The following ZNF385D variants were observed in gnomAD, a reference collection of about 807,000 sequenced individuals.
ZNF385D encodes the protein zinc finger protein 385D.
In ZNF385D, 15 loss-of-function variants were observed where a neutral mutation model predicts 35.8. The observed-to-expected ratio is 0.42, with a 90% CI of 0.28 to 0.64. ZNF385D has a LOEUF of 0.64. Among genes scored for constraint, ZNF385D ranks in the 30% least tolerant of loss-of-function variants. ZNF385D has a pLI of 0.23. For missense variants in ZNF385D, 474 were observed against 494.6 expected, an observed-to-expected ratio of 0.96 and a Z score of 0.39; for synonymous variants, 212 against 186.8, an observed-to-expected ratio of 1.13 and a Z score of -1.10.
intron 5 of ZNF385D, among the ~76,000 whole-genome samples, chr3:21,426,708 A>G (rs1300829772): frequency 6.6e-6 from 1 of 152,152 alleles, no homozygotes; most frequent in Admixed American, 6.6e-5. Flanking sequence ...TAAAGAAATG[A>G]TTCCTAACTT....
At chr3:22,268,750 T>C (rs901602933) in intron 2 of ZNF385D, among the ~76,000 whole-genome samples, 2 of 152,026 alleles carry the variant, frequency 1.3e-5, no homozygotes, top group African/African-American at 2.4e-5. Context: ...AAAGTATGCA[T>C]GTAAGTGAAA....
intron 3 of ZNF385D, among the ~76,000 whole-genome samples, chr3:22,084,920 C>A (rs1158794826): frequency 6.6e-6 from 1 of 152,324 alleles, no homozygotes; most frequent in Non-Finnish European, 1.5e-5. Flanking sequence ...GATTAAGAAA[C>A]TCATTCAAAA....
chr3:22,133,563 C>A (rs922438000), intron 3 of ZNF385D: 2 of 152,158 alleles, frequency 1.3e-5, no homozygotes, highest in Non-Finnish European at 1.5e-5. Flanking sequence ...GAGGCAAGAT[C>A]AAGTAATAAG....
chr3:21,790,440 T>C (rs533468505), intron 3 of ZNF385D, among the ~76,000 whole-genome samples: 3 of 152,276 alleles, frequency 2.0e-5, no homozygotes, highest in African/African-American at 4.8e-5. Context: ...TTTGGGGTGA[T>C]TGCTGTTTCT....
chr3:21,443,763 C>A (rs771100596), intron 4 of ZNF385D, among the ~76,000 whole-genome samples: 36 of 152,122 alleles, frequency 2.4e-4, no homozygotes, highest in Non-Finnish European at 4.6e-4. Context: ...GGTGACTATA[C>A]TATTTCTTTC....
intron 1 of ZNF385D, among the ~76,000 whole-genome samples, chr3:21,738,546 T>A (rs1199714808): frequency 6.6e-6 from 1 of 152,194 alleles, no homozygotes; most frequent in Non-Finnish European, 1.5e-5. Context: ...GCCATTATTA[T>A]CTCAACTGAT....
At chr3:21,932,869 C>T (rs958502553) in intron 3 of ZNF385D, among the ~76,000 whole-genome samples, 3 of 152,090 alleles carry the variant, frequency 2.0e-5, no homozygotes, top group Non-Finnish European at 2.9e-5. Flanking sequence ...TTGATATTAA[C>T]CATCACAATA....
At chr3:21,832,457 GT>G (rs1487937849) in intron 3 of ZNF385D, among the ~76,000 whole-genome samples, 1 of 152,118 alleles carries the variant, frequency 6.6e-6, no homozygotes, top group African/African-American at 2.4e-5. Flanking sequence ...AGCTAATAGG[GT>G]GTCATACATT....
intron 3 of ZNF385D, among the ~76,000 whole-genome samples, chr3:21,843,616 G>T (rs1434450569): frequency 6.6e-6 from 1 of 151,782 alleles, no homozygotes; most frequent in Non-Finnish European, 1.5e-5. Flanking sequence ...ACTGTACTAG[G>T]CACTTCAAGA....
At chr3:21,749,404 TC>T (rs1689052557) in intron 1 of ZNF385D, among the ~76,000 whole-genome samples, 1 of 152,200 alleles carries the variant, frequency 6.6e-6, no homozygotes, top group African/African-American at 2.4e-5. Context: ...AGGAATTGTT[TC>T]AAGAGGGTGA....
chr3:21,778,883 CTGGAACATTACTATA>C (rs1475550931), intron 3 of ZNF385D, among the ~76,000 whole-genome samples: 2 of 151,900 alleles, frequency 1.3e-5, no homozygotes, highest in African/African-American at 4.8e-5. Flanking sequence ...GGCACATAGT[CTGGAACATTACTATA>C]TGAGGACCAG....
chr3:21,758,271 G>A (rs1157619187), intron 3 of ZNF385D, among the ~76,000 whole-genome samples: 1 of 152,182 alleles, frequency 6.6e-6, no homozygotes, highest in Non-Finnish European at 1.5e-5. Flanking sequence ...TTCCTTGGCG[G>A]TTTCAACATA....
At chr3:22,212,205 G>A (rs1403530644) in intron 2 of ZNF385D, among the ~76,000 whole-genome samples, 2 of 151,942 alleles carry the variant, frequency 1.3e-5, no homozygotes, top group Non-Finnish European at 1.5e-5. Flanking sequence ...AAAGACAGGT[G>A]GAAGAAGGAG....
At chr3:22,070,342 C>A (rs1420287837) in intron 3 of ZNF385D, among the ~76,000 whole-genome samples, 36 of 152,092 alleles carry the variant, frequency 2.4e-4, no homozygotes, top group Admixed American at 2.4e-3. Flanking sequence ...ATATATACTA[C>A]AGAGAAACGG....
intron 3 of ZNF385D, among the ~76,000 whole-genome samples, chr3:21,552,943 T>C (rs1239771756): frequency 2.0e-5 from 3 of 152,146 alleles, no homozygotes. Context: ...GGTCTGTGAA[T>C]GTGGAAGAGG....
intron 2 of ZNF385D, among the ~76,000 whole-genome samples, chr3:22,206,621 G>A (rs772649682): frequency 2.0e-4 from 31 of 151,658 alleles, no homozygotes; most frequent in African/African-American, 4.6e-4. Flanking sequence ...AATAGCAAGC[G>A]GAAGTTTGAG....
chr3:22,003,705 A>G, intron 3 of ZNF385D, among the ~76,000 whole-genome samples: 1 of 152,010 alleles, frequency 6.6e-6, no homozygotes, highest in Non-Finnish European at 1.5e-5. Context: ...TGTCTCTACT[A>G]AAAATACAAA....
At chr3:21,524,897 A>C (rs1335022147) in intron 3 of ZNF385D, among the ~76,000 whole-genome samples, 1 of 152,210 alleles carries the variant, frequency 6.6e-6, no homozygotes, top group Non-Finnish European at 1.5e-5. Flanking sequence ...TAAGACTATT[A>C]GTTGAATAGG....
intron 3 of ZNF385D, among the ~76,000 whole-genome samples, chr3:22,128,437 G>A (rs915107182): frequency 8.6e-5 from 13 of 151,874 alleles, no homozygotes; most frequent in African/African-American, 3.1e-4. Flanking sequence ...CTTTCTCTAG[G>A]TTTAGAAAGT....
Sources: gnomAD v4.1 joint callset for allele counts (sites outside exome capture counted in the v4.1 genomes callset) on GRCh38, gnomAD v4.1.1 for gene constraint, MANE v1.5 for transcripts, NCBI Gene and HGNC (gene_info 2026-07-23, HGNC 2026-07-21) for gene names.